Variants in RB1 observed in about 807,000 individuals in gnomAD.
RB1 encodes the protein RB transcriptional corepressor 1.
In RB1, 18 loss-of-function variants were observed where a neutral mutation model predicts 135.4. The observed-to-expected ratio is 0.13, with a 90% CI of 0.09 to 0.20. RB1 has a LOEUF of 0.20. Among genes scored for constraint, RB1 ranks in the 10% least tolerant of loss-of-function variants. The pLI is 1.00. For missense variants in RB1, 868 were observed against 1,110.0 expected, an observed-to-expected ratio of 0.78 and a Z score of 3.10; for synonymous variants, 365 against 373.2, an observed-to-expected ratio of 0.98 and a Z score of 0.25.
intron 17 of RB1, among the ~76,000 whole-genome samples, chr13:48,419,459 A>C (rs1418809745): frequency 2.0e-5 from 3 of 152,214 alleles, no homozygotes; most frequent in Non-Finnish European, 4.4e-5. Context: ...TGACACCCTA[A>C]CATCACAATT....
In RB1 at chr13:48,342,679, C is replaced by A; in HGVS notation, c.345C>A (p.Phe115Leu). ...IAAVDLDEMS[F>L]TFTELQKNIE... ...CAGTTGACCTAGATGAGATGTCGTT[C>A]ACTTTTACTGAGCTACAGAAAAACA... Residue 115 changes from phenylalanine (F) to leucine (L), a missense_variant, in exon 3 of 27, where the codon TTC becomes TTA. By Grantham distance (22) the Phe-to-Leu change is conservative (BLOSUM62 0). Around this residue, in one of 3 missense-constraint regions of RB1, gnomAD observed 641 missense variants for 791.3 expected, o/e 0.81. Coordinates refer to ENST00000267163, the MANE Select transcript of RB1 (RefSeq NM_000321.3). 1 of 1,611,014 alleles carries A rather than the reference C, an allele frequency of 6.2e-7. No individual in the cohort carries two copies. Among genetic ancestry groups the A allele is most frequent in the South Asian group, 1.1e-5 (1 of 90,982 alleles).
At chr13:48,351,424 G>A (rs1186331376) in intron 6 of RB1, among the ~76,000 whole-genome samples, 2 of 151,842 alleles carry the variant, frequency 1.3e-5, no homozygotes, top group African/African-American at 4.8e-5. Flanking sequence ...CCACTTTTTA[G>A]TGGGGTTGGT....
At chr13:48,420,504 C>T (rs1566218267) in intron 17 of RB1, among the ~76,000 whole-genome samples, 1 of 152,256 alleles carries the variant, frequency 6.6e-6, no homozygotes, top group East Asian at 1.9e-4. Context: ...TCTCACCACT[C>T]CTATTCAACA....
intron 17 of RB1, chr13:48,411,501 G>A (rs1399641405): frequency 6.2e-7 from 1 of 1,612,586 alleles, no homozygotes; most frequent in Admixed American, 1.7e-5. Context: ...TCTCCTGACA[G>A]ACCAGTTTTT....
chr13:48,435,301 C>T (rs1379394857), intron 17 of RB1, among the ~76,000 whole-genome samples: 2 of 152,116 alleles, frequency 1.3e-5, no homozygotes, highest in African/African-American at 4.8e-5. Context: ...ATTTGCATTT[C>T]CCATCAGGAT....
chr13:48,311,239 A>T (rs1952127452), intron 2 of RB1, among the ~76,000 whole-genome samples: 1 of 152,236 alleles, frequency 6.6e-6, no homozygotes, highest in Non-Finnish European at 1.5e-5. Context: ...GAAATGTATG[A>T]TATACATATC....
rs1237070816 is a variant in RB1, at chr13:48,381,345, G to A, written c.1597G>A (p.Glu533Lys). ...LKAFDFYKVI[E>K]SFIKAEGNLT... is the part of the protein sequence containing the mutation. The stretch of plus-strand genomic sequence containing the variant: ...AGCCTTTGATTTTTACAAAGTGATC[G>A]AAAGTTTTATCAAAGCAGAAGGCAA... The change falls in exon 17 of 27, where the codon GAA (glutamate) becomes AAA (lysine). Residue 533 changes from glutamate (E) to lysine (K), a missense_variant. By Grantham distance (56) the Glu-to-Lys change is moderately conservative. This residue lies in a region of RB1 where 641 missense variants were observed against 791.3 expected (regional missense o/e 0.81). Transcript: ENST00000267163. 2 of 1,611,624 alleles carry A rather than the reference G, an allele frequency of 1.2e-6. No individual in the cohort carries two copies. The highest frequency in any genetic ancestry group is 1.7e-6 in the Non-Finnish European group (2 of 1,178,972).
intron 17 of RB1, among the ~76,000 whole-genome samples, chr13:48,403,940 G>T (rs1176123077): frequency 6.6e-6 from 1 of 152,154 alleles, no homozygotes; most frequent in Non-Finnish European, 1.5e-5. Context: ...AGTTGAGGCT[G>T]CAGGGAGCCG....
chr13:48,312,944 C>G (rs1286266387), intron 2 of RB1, among the ~76,000 whole-genome samples: 2 of 152,152 alleles, frequency 1.3e-5, no homozygotes, highest in African/African-American at 4.8e-5. Context: ...TCAGTAGCCT[C>G]CATTGTAACA....
chr13:48,429,018 T>C (rs564865684), intron 17 of RB1, among the ~76,000 whole-genome samples: 2 of 152,348 alleles, frequency 1.3e-5, no homozygotes, highest in East Asian at 1.9e-4. Context: ...TTCTCTGATA[T>C]ACCTGAATTC....
intron 1 of RB1, among the ~76,000 whole-genome samples, chr13:48,306,854 G>A (rs1952084663): frequency 6.6e-6 from 1 of 152,216 alleles, no homozygotes; most frequent in Non-Finnish European, 1.5e-5. Flanking sequence ...AGTAGGTAGA[G>A]AGATATATGA....
chr13:48,351,451 A>AT (rs1952546974), intron 6 of RB1, among the ~76,000 whole-genome samples: 1 of 151,766 alleles, frequency 6.6e-6, no homozygotes, highest in Non-Finnish European at 1.5e-5. Flanking sequence ...TCTCTTGCAA[A>AT]TTTGTCTAAA....
chr13:48,443,156 T>C (rs1949254384), intron 17 of RB1, among the ~76,000 whole-genome samples: 1 of 151,704 alleles, frequency 6.6e-6, no homozygotes, highest in Non-Finnish European at 1.5e-5. Context: ...CTTAAAAATA[T>C]CTCCTCTTAG....
At chr13:48,391,246 T>C (rs1266942660) in intron 17 of RB1, among the ~76,000 whole-genome samples, 3 of 152,226 alleles carry the variant, frequency 2.0e-5, no homozygotes, top group Non-Finnish European at 4.4e-5. Flanking sequence ...CATTTTCCCT[T>C]TTCCAACCTT....
At chr13:48,345,048 T>C (rs1361341537) in intron 3 of RB1, 32 bp from the exon 4 acceptor site, 4 of 1,596,882 alleles carry the variant, frequency 2.5e-6, no homozygotes, top group Non-Finnish European at 3.4e-6. Flanking sequence ...TTAAGGTTAC[T>C]GATTTACTTT....
chr13:48,376,876 C>G (rs370913997), intron 12 of RB1, 42 bp from the exon 13 acceptor site: 1 of 1,611,012 alleles, frequency 6.2e-7, no homozygotes, highest in Admixed American at 1.7e-5. Flanking sequence ...ATTCTGATTA[C>G]ACAGTATCCT....
chr13:48,396,531 A>G (rs186970488), intron 17 of RB1, among the ~76,000 whole-genome samples: 1 of 152,324 alleles, frequency 6.6e-6, no homozygotes, highest in Admixed American at 6.5e-5. Flanking sequence ...TAACACCTAA[A>G]ACCATAAAAA....
Position 48,463,221 on chromosome 13 carries a change from A to C in RB1, c.2107-510A>C, listed in dbSNP as rs73182506. On this transcript the variant is annotated intron_variant, in intron 20 of 26. Coordinates refer to ENST00000267163, the MANE Select transcript of RB1 (RefSeq NM_000321.3). ...CCTGTGTATCAAAAGTATACATTCT[A>C]ACAAAAATTCATCAACTGAGCTTAG... Among the ~76,000 whole-genome samples, 790 of 152,344 alleles carry C rather than the reference A, an allele frequency of 5.2e-3. 3 individuals are homozygous for C. The highest frequency in any genetic ancestry group is 0.01 in the Middle Eastern group (3 of 294).
intron 17 of RB1, among the ~76,000 whole-genome samples, chr13:48,434,564 A>C (rs1473944830): frequency 3.3e-5 from 5 of 152,104 alleles, no homozygotes; most frequent in Non-Finnish European, 5.9e-5. Flanking sequence ...AAGTCTCTTT[A>C]ACCCTACAGC....
Sources: gnomAD v4.1 joint callset for allele counts (sites outside exome capture counted in the v4.1 genomes callset) on GRCh38, gnomAD v4.1.1 for gene constraint, gnomAD v4.1.1 regional missense constraint, MANE v1.5 for transcripts, NCBI Gene and HGNC (gene_info 2026-07-23, HGNC 2026-07-21) for gene names.